Variants in CHN1 observed in about 807,000 individuals in gnomAD.
CHN1 encodes chimerin 1.
Under a neutral mutation model 59.5 loss-of-function variants are expected in CHN1, and 37 were observed. That is an observed-to-expected ratio of 0.62 (90% CI 0.48 to 0.82). The LOEUF is 0.82. Ranked by LOEUF, CHN1 falls within the 40% of genes least tolerant of loss-of-function variation. CHN1 has a pLI of 0.00. For missense variants in CHN1, 469 were observed against 571.0 expected (o/e 0.82, Z 1.82); for synonymous variants, 206 against 200.4 (o/e 1.03, Z -0.24).
At chr2:174,987,071 G>T (rs1279033531) in intron 1 of CHN1, among the ~76,000 whole-genome samples, 2 of 152,114 alleles carry the variant, frequency 1.3e-5, no homozygotes, top group African/African-American at 4.8e-5. Context: ...TTTTTCTCCA[G>T]CTTACTTTAT....
At chr2:174,821,868 T>G (rs1685511901) in intron 8 of CHN1, 2 of 306,444 alleles carry the variant, frequency 6.5e-6, no homozygotes, top group South Asian at 5.0e-5. Context: ...TCAATATCCT[T>G]AATTTAAATG....
At chr2:174,844,546 T>C (rs540788412) in intron 7 of CHN1, among the ~76,000 whole-genome samples, 2 of 152,332 alleles carry the variant, frequency 1.3e-5, no homozygotes, top group South Asian at 4.1e-4. Context: ...ATGACAAGGA[T>C]ACATGAATGA....
chr2:174,823,752 CA>C (rs1471767722), intron 8 of CHN1, among the ~76,000 whole-genome samples: 1 of 152,058 alleles, frequency 6.6e-6, no homozygotes, highest in Non-Finnish European at 1.5e-5. Context: ...ACGTGATATA[CA>C]TAAGTACTTT....
At position 174,855,098 on chromosome 2, in the gene CHN1, G is replaced by A. The variant is rs144716097; in HGVS notation, c.550-8141C>T. Among the ~76,000 whole-genome samples the A allele has an allele frequency of 4.4e-3, 675 of 152,194 alleles. 5 individuals are homozygous for A. The highest frequency in any genetic ancestry group is 0.015 in the African/African-American group (636 of 41,532). The stretch of plus-strand genomic sequence containing the variant: ...CACAAATACCTAGTTTTTAATGTGG[G>A]ATTGAGACTTAAGCCAAAGAAATAA... On this transcript the variant is annotated intron_variant, in intron 6 of 12. Coordinates refer to ENST00000409900, the MANE Select transcript of CHN1 (RefSeq NM_001822.7).
intron 1 of CHN1, among the ~76,000 whole-genome samples, chr2:174,980,581 GT>G (rs949288473): frequency 6.6e-6 from 1 of 152,126 alleles, no homozygotes; most frequent in Non-Finnish European, 1.5e-5. Flanking sequence ...TAAGCTTAAA[GT>G]AAAATTGGAA....
chr2:174,996,068 T>C (rs928113922), intron 1 of CHN1, among the ~76,000 whole-genome samples: 7 of 152,198 alleles, frequency 4.6e-5, no homozygotes, highest in Non-Finnish European at 8.8e-5. Flanking sequence ...TTCTGTACTA[T>C]CCAGTTTCAG....
chr2:174,872,135 T>C (rs553203103), intron 6 of CHN1, among the ~76,000 whole-genome samples: 1 of 151,950 alleles, frequency 6.6e-6, no homozygotes, highest in Non-Finnish European at 1.5e-5. Flanking sequence ...ATACAAAAAT[T>C]AGCCAGGTAT....
intron 1 of CHN1, among the ~76,000 whole-genome samples, chr2:174,995,145 T>C (rs1471519050): frequency 6.6e-6 from 1 of 152,214 alleles, no homozygotes; most frequent in Non-Finnish European, 1.5e-5. Flanking sequence ...GAGTACCTAT[T>C]ATGTGCCAAA....
At chr2:174,846,290 A>G in intron 7 of CHN1, 1 of 1,537,388 alleles carries the variant, frequency 6.5e-7, no homozygotes, top group South Asian at 1.2e-5. Context: ...TTAACACAAT[A>G]ATTAAAAACT....
chr2:174,831,588 C>T (rs1002723082), intron 7 of CHN1, among the ~76,000 whole-genome samples: 1 of 151,988 alleles, frequency 6.6e-6, no homozygotes, highest in African/African-American at 2.4e-5. Context: ...ATAAATATAA[C>T]CATTAATTCA....
chr2:174,942,550 T>C lies in CHN1; in HGVS notation c.114+2338A>G, dbSNP rs76288256. 1.6e-3 allele frequency among the ~76,000 whole-genome samples: 247 copies of C among 152,124 alleles called. 4 individuals are homozygous for C. In the East Asian group the frequency reaches 0.044, roughly 27 times the overall value. ...ATAGGGAGAGGTTGGTTAATAGATA[T>C]AAAATTATCCTAGATAAGAGTTACA... is the stretch of plus-strand genomic sequence containing the variant. On this transcript the variant is annotated intron_variant, in intron 3 of 12. Coordinates refer to ENST00000409900, the MANE Select transcript of CHN1 (RefSeq NM_001822.7).
chr2:174,806,762 C>T (rs1003688552), intron 11 of CHN1, among the ~76,000 whole-genome samples: 5 of 152,210 alleles, frequency 3.3e-5, no homozygotes, highest in Non-Finnish European at 5.9e-5. Flanking sequence ...TAATTTCTCT[C>T]ATCTTCCTTG....
intron 7 of CHN1, among the ~76,000 whole-genome samples, chr2:174,828,028 A>G (rs945202916): frequency 6.6e-6 from 1 of 152,196 alleles, no homozygotes; most frequent in African/African-American, 2.4e-5. Flanking sequence ...TCTGAATACA[A>G]GGAAAATCAC....
chr2:174,829,539 G>A (rs1685799306), intron 7 of CHN1, among the ~76,000 whole-genome samples: 1 of 152,154 alleles, frequency 6.6e-6, no homozygotes, highest in African/African-American at 2.4e-5. Context: ...CCATGATATA[G>A]GAAGATAAAG....
chr2:174,880,414 G>C (rs1030660299), intron 5 of CHN1, among the ~76,000 whole-genome samples: 2 of 152,158 alleles, frequency 1.3e-5, no homozygotes, highest in African/African-American at 4.8e-5. Flanking sequence ...GACTGTCAAA[G>C]ATTTCTCCAC....
intron 7 of CHN1, among the ~76,000 whole-genome samples, chr2:174,825,105 C>A (rs1476582530): frequency 1.3e-5 from 2 of 152,140 alleles, no homozygotes; most frequent in Non-Finnish European, 2.9e-5. Context: ...GTGCAGGCAC[C>A]CTAATCTATA....
intron 3 of CHN1, among the ~76,000 whole-genome samples, chr2:174,929,577 C>CAAA (rs5836479): frequency 7.0e-6 from 1 of 143,234 alleles, no homozygotes; most frequent in African/African-American, 2.5e-5. Context: ...GACTCTATTT[C>CAAA]AAAAAAAAAA....
At chr2:174,942,871 G>A (rs760451641) in intron 3 of CHN1, among the ~76,000 whole-genome samples, 1 of 151,934 alleles carries the variant, frequency 6.6e-6, no homozygotes, top group Non-Finnish European at 1.5e-5. Flanking sequence ...GCAACATGGC[G>A]AAACCCCATC....
chr2:174,965,285 ATTTC>A (rs1036221396), intron 1 of CHN1, among the ~76,000 whole-genome samples: 7 of 152,066 alleles, frequency 4.6e-5, no homozygotes, highest in East Asian at 3.8e-4. Context: ...AACAAAAATT[ATTTC>A]TTTCTTTTTA....
Sources: gnomAD v4.1 joint callset for allele counts (sites outside exome capture counted in the v4.1 genomes callset) on GRCh38, gnomAD v4.1.1 for gene constraint, MANE v1.5 for transcripts, NCBI Gene and HGNC (gene_info 2026-07-23, HGNC 2026-07-21) for gene names.